COL26A1: variants seen among roughly 807,000 people sequenced by gnomAD.
COL26A1 encodes the protein collagen alpha-1(XXVI) chain.
Under a neutral mutation model 59.3 loss-of-function variants are expected in COL26A1, and 41 were observed. That is an observed-to-expected ratio of 0.69 (90% CI 0.54 to 0.90). The LOEUF (loss-of-function observed/expected upper bound fraction) is 0.90, where lower values mean the gene tolerates loss of function less well. Ranked by LOEUF, COL26A1 falls within the 40% of genes least tolerant of loss-of-function variation. The pLI is 0.00. For missense variants in COL26A1, 612 were observed against 602.3 expected, an observed-to-expected ratio of 1.02 and a Z score of -0.17; for synonymous variants, 266 against 256.0, an observed-to-expected ratio of 1.04 and a Z score of -0.37.
At chr7:101,540,131 C>A in intron 5 of COL26A1, 82 bp downstream of exon 5, 1 of 1,401,786 alleles carries the variant, frequency 7.1e-7, no homozygotes, top group Non-Finnish European at 9.6e-7. Context: ...CCTAGAGAGG[C>A]CACACACTAG....
intron 3 of COL26A1, among the ~76,000 whole-genome samples, chr7:101,457,978 C>A (rs1215694932): frequency 6.6e-6 from 1 of 150,484 alleles, no homozygotes; most frequent in African/African-American, 2.4e-5. Flanking sequence ...CTCATTGCAA[C>A]CTCCGCCTCC....
intron 2 of COL26A1, among the ~76,000 whole-genome samples, chr7:101,421,315 C>A (rs1451443438): frequency 6.6e-6 from 1 of 152,122 alleles, no homozygotes; most frequent in African/African-American, 2.4e-5. Context: ...TTAAAGCCTT[C>A]GACTGATTGG....
At chr7:101,430,113 T>C (rs1792744835) in intron 2 of COL26A1, among the ~76,000 whole-genome samples, 1 of 152,172 alleles carries the variant, frequency 6.6e-6, no homozygotes. Context: ...TCTCTTTTTA[T>C]TTCTTCCAGC....
Position 101,489,659 on chromosome 7 carries a change from TTCTTCCTTCC to T in COL26A1, c.385+41874_385+41883del, listed in dbSNP as rs1794351807. On this transcript the variant is annotated intron_variant, in intron 3 of 12. Coordinates refer to ENST00000313669, the MANE Select transcript of COL26A1 (RefSeq NM_001278563.3). The stretch of plus-strand genomic sequence containing the variant: ...TTTCTTTCTTTCTTTCTTTCTTTCT[TTCTTCCTTCC>T]TTCCTTCCTTCCTTTCTTTCTTTCT... 5.8e-5 allele frequency among the ~76,000 whole-genome samples: 4 copies of T among 69,124 alleles called. 2 individuals carry two copies. Among genetic ancestry groups the T allele is most frequent in the African/African-American group, 5.2e-4 (4 of 7,698 alleles). 45.3% of individuals were successfully genotyped at this position (69,124 alleles called of 152,430 possible).
At chr7:101,396,405 C>T (rs185939380) in intron 1 of COL26A1, among the ~76,000 whole-genome samples, 2 of 152,134 alleles carry the variant, frequency 1.3e-5, no homozygotes, top group East Asian at 3.9e-4. Flanking sequence ...CTTCCCAGCC[C>T]CTGACTGACT....
At chr7:101,412,280 A>G (rs1380331261) in intron 1 of COL26A1, among the ~76,000 whole-genome samples, 1 of 152,096 alleles carries the variant, frequency 6.6e-6, no homozygotes. Context: ...TTCCATGACA[A>G]CGACCCAACA....
At chr7:101,431,279 G>T (rs532817773) in intron 2 of COL26A1, among the ~76,000 whole-genome samples, 2 of 152,074 alleles carry the variant, frequency 1.3e-5, no homozygotes, top group Non-Finnish European at 2.9e-5. Context: ...CTGAAACAAG[G>T]TCTCTTTCTT....
At chr7:101,401,233 C>T (rs1342231582) in intron 1 of COL26A1, among the ~76,000 whole-genome samples, 2 of 152,146 alleles carry the variant, frequency 1.3e-5, no homozygotes, top group Non-Finnish European at 2.9e-5. Context: ...TAGAACATGA[C>T]GAGGCCTTTG....
intron 1 of COL26A1, among the ~76,000 whole-genome samples, chr7:101,413,551 GAAAAAGAAAAGAA>G (rs1792294556): frequency 6.6e-6 from 1 of 151,780 alleles, no homozygotes; most frequent in Non-Finnish European, 1.5e-5. Context: ...GGAAAGGAAA[GAAAAAGAAAAGAA>G]GAAAGAAAAG....
At chr7:101,417,650 A>AT (rs1792407066) in intron 1 of COL26A1, among the ~76,000 whole-genome samples, 1 of 39,912 alleles carries the variant, frequency 2.5e-5, no homozygotes, top group Non-Finnish European at 1.1e-4. Flanking sequence ...CTCTATATCT[A>AT]GACATAGATA....
At chr7:101,402,505 C>T (rs1415161811) in intron 1 of COL26A1, among the ~76,000 whole-genome samples, 2 of 152,100 alleles carry the variant, frequency 1.3e-5, no homozygotes, top group Admixed American at 6.6e-5. Context: ...TTTCCAAGGC[C>T]TCTGGCTGTG....
At chr7:101,477,838 A>G (rs1794082203) in intron 3 of COL26A1, among the ~76,000 whole-genome samples, 1 of 151,382 alleles carries the variant, frequency 6.6e-6, no homozygotes, top group Admixed American at 6.6e-5. Context: ...GGTGTAGATG[A>G]GATTTTCTCA....
At chr7:101,537,875 A>T (rs1221135467) in intron 4 of COL26A1, among the ~76,000 whole-genome samples, 2 of 151,348 alleles carry the variant, frequency 1.3e-5, no homozygotes, top group African/African-American at 4.9e-5. Context: ...AGCCCTTGGG[A>T]CCACCCCCTG....
intron 2 of COL26A1, among the ~76,000 whole-genome samples, chr7:101,422,294 A>G (rs1205755445): frequency 6.6e-6 from 1 of 150,762 alleles, no homozygotes; most frequent in Non-Finnish European, 1.5e-5. Context: ...CTGGGCAACA[A>G]GAACAAAACT....
intron 3 of COL26A1, among the ~76,000 whole-genome samples, chr7:101,460,354 C>G (rs1209436594): frequency 6.6e-6 from 1 of 152,118 alleles, no homozygotes; most frequent in African/African-American, 2.4e-5. Flanking sequence ...GGTTCAAGGC[C>G]TGGCTCCCTG....
chr7:101,420,201 C>G (rs560757537), intron 2 of COL26A1, 102 bp downstream of exon 2: 435 of 1,427,664 alleles, frequency 3.0e-4, no homozygotes, highest in Non-Finnish European at 4.0e-4. Flanking sequence ...TGCTCACAGA[C>G]AAAGGCTGAG....
chr7:101,393,392 A>C (rs1366863296), intron 1 of COL26A1, among the ~76,000 whole-genome samples: 3 of 152,160 alleles, frequency 2.0e-5, no homozygotes, highest in African/African-American at 7.2e-5. Flanking sequence ...GGCAGGAAGC[A>C]TCCAGCACGG....
At chr7:101,484,142 A>T (rs13245149) in intron 3 of COL26A1, among the ~76,000 whole-genome samples, 1 of 151,160 alleles carries the variant, frequency 6.6e-6, no homozygotes, top group Non-Finnish European at 1.5e-5. Flanking sequence ...GAGCTACTGC[A>T]CCTGGCACTA....
intron 10 of COL26A1, 94 bp downstream of exon 10, chr7:101,551,237 G>GGCCCCCCCCCGGCC: frequency 2.6e-6 from 1 of 386,366 alleles, no homozygotes; most frequent in East Asian, 5.8e-5. Context: ...TGGTGGGGGG[G>GGCCCCCCCCCGGCC]TTCAGCCCTG....
Sources: gnomAD v4.1 joint callset for allele counts (sites outside exome capture counted in the v4.1 genomes callset) on GRCh38, gnomAD v4.1.1 for gene constraint, MANE v1.5 for transcripts, NCBI Gene and HGNC (gene_info 2026-07-23, HGNC 2026-07-21) for gene names.